The following PRUNE2 variants were observed in gnomAD, a reference collection of about 807,000 sequenced individuals.
PRUNE2 encodes prune homolog 2 with BCH domain, also known as protein prune homolog 2.
Under a neutral mutation model 252.0 loss-of-function variants are expected in PRUNE2, and 164 were observed. That is an observed-to-expected ratio of 0.65 (90% CI 0.57 to 0.74). PRUNE2 has a LOEUF of 0.74. PRUNE2 is among the 30% of genes least tolerant of loss of function. The probability of loss-of-function intolerance (pLI) is 0.00; values close to 1 mark genes in which losing one functional copy is unlikely to be tolerated. For missense variants in PRUNE2, 3,495 were observed against 3,711.0 expected, an observed-to-expected ratio of 0.94 and a Z score of 1.51; for synonymous variants, 1,292 against 1,350.2, an observed-to-expected ratio of 0.96 and a Z score of 0.94.
intron 1 of PRUNE2, chr9:76,869,013 T>C (rs2061024280): frequency 6.6e-6 from 1 of 152,244 alleles, no homozygotes; most frequent in South Asian, 2.1e-4. Context: ...CTCCTTCGGA[T>C]TAGAAGGGCT....
chr9:76,851,150 T>C (rs1470449848), intron 2 of PRUNE2, among the ~76,000 whole-genome samples: 1 of 148,064 alleles, frequency 6.8e-6, no homozygotes, highest in Non-Finnish European at 1.5e-5. Context: ...GTGGGGACTG[T>C]GGGGACAGGG....
At position 76,711,280 on chromosome 9, in the gene PRUNE2, C is replaced by A. The variant is rs1364479937; in HGVS notation, c.994G>T (p.Val332Leu). ...ACTGAAGGGTCCTCTTGTTGGTACACCAGGATCTCATCACAGCCACAGTCA... is the reference window on the plus strand; with the variant it reads ...ACTGAAGGGTCCTCTTGTTGGTACAACAGGATCTCATCACAGCCACAGTCA... ...PFDCGCDEIL[V>L]YQQEDPSVTC... is the part of the protein sequence containing the mutation. Residue 332 changes from valine to leucine, a missense_variant, in exon 8 of 19, where the codon GTG (valine) becomes TTG (leucine). By Grantham distance (32) the Val-to-Leu change is conservative (BLOSUM62 1). Coordinates refer to ENST00000376718, the MANE Select transcript of PRUNE2 (RefSeq NM_015225.3). 3.1e-6 allele frequency: 5 copies of A among 1,613,730 alleles called. No homozygotes were observed. Among genetic ancestry groups the A allele is most frequent in the African/African-American group, 2.7e-5 (2 of 74,894 alleles).
chr9:76,703,979 G>A lies in PRUNE2; in HGVS notation c.7634C>T (p.Ala2545Val). ...TACAAGTATGTAATCCATGTGTAGT[G>A]CATGACGATCTTCATTCTTCTCTGT... ...RCTEKNEDRH[A>V]LHMDYILVNR... The change falls in exon 9 of 19, where the codon GCA becomes GTA. Residue 2545 changes from alanine (A) to valine (V), a missense_variant. By Grantham distance (64) the Ala-to-Val change is moderately conservative. Transcript: ENST00000376718. 1.9e-6 allele frequency: 3 copies of A among 1,613,784 alleles called. No homozygotes were observed. Among genetic ancestry groups the A allele is most frequent in the Non-Finnish European group, 2.5e-6 (3 of 1,179,758 alleles).
At chr9:76,868,882 C>T (rs1304745656) in intron 1 of PRUNE2, 1 of 148,930 alleles carries the variant, frequency 6.7e-6, no homozygotes, top group Non-Finnish European at 1.5e-5. Context: ...CCGCTGTACA[C>T]TAAGTTCCCA....
chr9:76,746,737 A>AG (rs2050158266), intron 6 of PRUNE2, among the ~76,000 whole-genome samples: 1 of 117,220 alleles, frequency 8.5e-6, no homozygotes, highest in Non-Finnish European at 1.8e-5. Context: ...AAAAAAAAAA[A>AG]AAAACCCCAA....
Position 76,708,771 on chromosome 9 carries a change from G to A in PRUNE2, c.3503C>T (p.Thr1168Ile), listed in dbSNP as rs1433757375. Residue 1168 changes from threonine to isoleucine, a missense_variant, in exon 8 of 19, where the codon ACA becomes ATA. Transcript: ENST00000376718. ...AEGSEPETRF[T>I]VRQLEPWGLE... ...GCCCCAGGGTTCCAGCTGTCTCACT[G>A]TAAATCGGGTTTCCGGCTCGGAACC... 4 of 1,613,830 alleles carry A rather than the reference G, an allele frequency of 2.5e-6. No homozygotes were observed. Among genetic ancestry groups the A allele is most frequent in the East Asian group, 2.2e-5 (1 of 44,870 alleles).
intron 6 of PRUNE2, chr9:76,809,087 T>G (rs1161177100): frequency 2.0e-5 from 3 of 152,214 alleles, no homozygotes; most frequent in African/African-American, 7.2e-5. Context: ...CAAACCTCAT[T>G]TACGTGGCCA....
At position 76,706,974 on chromosome 9, in the gene PRUNE2, C is replaced by T. The variant is rs929381012; in HGVS notation, c.5300G>A (p.Trp1767Ter). 3 of 1,613,802 alleles carry T rather than the reference C, an allele frequency of 1.9e-6. No individual in the cohort carries two copies. Among genetic ancestry groups the T allele is most frequent in the Middle Eastern group, 1.6e-4 (1 of 6,084 alleles). Residue 1767 changes from tryptophan to a stop codon, truncating the protein, a stop_gained, in exon 8 of 19, where the codon TGG (tryptophan) becomes TAG (stop). Coordinates refer to ENST00000376718, the MANE Select transcript of PRUNE2 (RefSeq NM_015225.3). LOFTEE classifies it high-confidence loss of function. ...AGTCTCCGTTAATGGTGAGAAAGTCCAGGGATCAGGGCTGCTTTGTTGATT... is the reference window on the plus strand; with the variant it reads ...AGTCTCCGTTAATGGTGAGAAAGTCTAGGGATCAGGGCTGCTTTGTTGATT... ...CDNQQSSPDP[W>*]TFSPLTETEM...
chr9:76,678,129 A>AT (rs1248775074), intron 9 of PRUNE2, among the ~76,000 whole-genome samples: 2 of 151,736 alleles, frequency 1.3e-5, no homozygotes, highest in Non-Finnish European at 2.9e-5. Context: ...CAGCACTTTG[A>AT]GAAGCTGAGG....
intron 15 of PRUNE2, among the ~76,000 whole-genome samples, chr9:76,633,580 CAA>C (rs566175941): frequency 6.0e-5 from 8 of 133,018 alleles, no homozygotes; most frequent in Non-Finnish European, 6.5e-5. Context: ...GAGGTTGTCT[CAA>C]AAAAAAAAAA....
chr9:76,765,790 T>C (rs116312958), intron 6 of PRUNE2, among the ~76,000 whole-genome samples: 4,099 of 152,326 alleles, frequency 0.027, 174 homozygotes, highest in African/African-American at 0.094. Context: ...AGTGCTTTTC[T>C]GGGACTCACT....
intron 15 of PRUNE2, among the ~76,000 whole-genome samples, chr9:76,633,087 T>G (rs1838428142): frequency 6.6e-6 from 1 of 152,006 alleles, no homozygotes; most frequent in African/African-American, 2.4e-5. Flanking sequence ...CCAGGTGTGG[T>G]GGCACATGCC....
intron 11 of PRUNE2, among the ~76,000 whole-genome samples, chr9:76,646,486 G>T (rs777152066): frequency 5.3e-5 from 8 of 152,234 alleles, no homozygotes; most frequent in Non-Finnish European, 1.0e-4. Flanking sequence ...CTTCCACTGT[G>T]TTCCCACCAG....
intron 1 of PRUNE2, among the ~76,000 whole-genome samples, chr9:76,855,082 A>AAAAAAAAAAAAAAAAAAAAAAATATATAT (rs1490285240): frequency 9.1e-6 from 1 of 109,438 alleles, no homozygotes; most frequent in African/African-American, 3.9e-5. Flanking sequence ...AAAAAAAAAA[A>AAAAAAAAAAAAAAAAAAAAAAATATATAT]ATATATATAT....
chr9:76,698,748 G>T (rs1056042297), intron 9 of PRUNE2, among the ~76,000 whole-genome samples: 5 of 152,078 alleles, frequency 3.3e-5, no homozygotes, highest in African/African-American at 1.2e-4. Context: ...AAAACAAAAA[G>T]ATCTCACGGT....
chr9:76,778,300 A>C (rs1328815251), intron 6 of PRUNE2: 1 of 152,186 alleles, frequency 6.6e-6, no homozygotes, highest in African/African-American at 2.4e-5. Flanking sequence ...TATGGCACAA[A>C]TACAGCCTTT....
intron 1 of PRUNE2, among the ~76,000 whole-genome samples, chr9:76,864,314 G>A (rs1331661479): frequency 1.3e-5 from 2 of 152,140 alleles, no homozygotes; most frequent in Non-Finnish European, 2.9e-5. Context: ...GCAGGAAGGA[G>A]GGTGTAGGCT....
intron 6 of PRUNE2, among the ~76,000 whole-genome samples, chr9:76,765,050 G>A (rs12684201): frequency 0.12 from 18,068 of 152,126 alleles, 1,683 homozygotes; most frequent in East Asian, 0.41. Context: ...TTTAAATGGA[G>A]ATATCAAGCA....
chr9:76,634,831 A>G (rs1839287411), intron 15 of PRUNE2, among the ~76,000 whole-genome samples: 1 of 152,256 alleles, frequency 6.6e-6, no homozygotes, highest in African/African-American at 2.4e-5. Flanking sequence ...TCGATGAATC[A>G]GTAACTATGC....
Sources: gnomAD v4.1 joint callset for allele counts (sites outside exome capture counted in the v4.1 genomes callset) on GRCh38, gnomAD v4.1.1 for gene constraint, MANE v1.5 for transcripts, NCBI Gene and HGNC (gene_info 2026-07-23, HGNC 2026-07-21) for gene names.